ZEB2: variants seen among roughly 807,000 people sequenced by gnomAD.
The protein encoded by ZEB2 is zinc finger E-box-binding homeobox 2.
In ZEB2, 6 loss-of-function variants were observed where a neutral mutation model predicts 99.9. That is an observed-to-expected ratio of 0.06 (90% confidence interval 0.03 to 0.12). The LOEUF (loss-of-function observed/expected upper bound fraction) is 0.12. Among genes scored for constraint, ZEB2 ranks in the 10% least tolerant of loss-of-function variants. The pLI is 1.00. For synonymous variants in ZEB2, 517 were observed against 542.5 expected (o/e 0.95, Z 0.65); for missense variants, 969 against 1,502.8 (o/e 0.64, Z 5.87).
chr2:144,429,469 T>C, intron 3 of ZEB2: 1 of 407,966 alleles, frequency 2.5e-6, no homozygotes, highest in South Asian at 2.4e-5. Flanking sequence ...TTGATCATGT[T>C]ACATAATTTG....
chr2:144,490,310 C>CT (rs1480348052), intron 2 of ZEB2, among the ~76,000 whole-genome samples: 3 of 152,138 alleles, frequency 2.0e-5, no homozygotes, highest in Non-Finnish European at 4.4e-5. Context: ...ATACAAATGC[C>CT]TGCCACATAA....
At chr2:144,474,248 G>C (rs139836727) in intron 2 of ZEB2, among the ~76,000 whole-genome samples, 10 of 152,310 alleles carry the variant, frequency 6.6e-5, no homozygotes, top group Non-Finnish European at 1.5e-4. Context: ...TCCAGGAACT[G>C]TCCTCTTCTC....
Position 144,398,236 on chromosome 2 carries a change from C to T in ZEB2, c.2886+65G>A, listed in dbSNP as rs139309917. On this transcript the variant is annotated intron_variant, in intron 8 of 9. Coordinates refer to ENST00000627532, the MANE Select transcript of ZEB2 (RefSeq NM_014795.4). Reference sequence around the variant, plus strand: ...TTTTCACTAAGATTTTTTTTTCCTACATGCACATAATCAAAATAATTGCCA... The same window carrying T: ...TTTTCACTAAGATTTTTTTTTCCTATATGCACATAATCAAAATAATTGCCA... 5.1e-4 allele frequency: 817 copies of T among 1,593,662 alleles called. 6 individuals carry two copies. In the African/African-American group the frequency reaches 9.6e-3, roughly 19 times the overall value.
chr2:144,513,301 T>C (rs1039078201), intron 2 of ZEB2: 54 of 1,293,196 alleles, frequency 4.2e-5, no homozygotes, highest in Non-Finnish European at 5.4e-5. Context: ...GTTTCTCCTC[T>C]AGGATCCAAA....
At chr2:144,401,095 T>C (rs894869922) in intron 7 of ZEB2, 104 bp downstream of exon 7, 28 of 1,053,490 alleles carry the variant, frequency 2.7e-5, no homozygotes, top group Non-Finnish European at 3.5e-5. Context: ...AAATAGATAG[T>C]TCCAAAAAGC....
chr2:144,417,941 G>A (rs895652925), intron 4 of ZEB2, among the ~76,000 whole-genome samples: 8 of 152,052 alleles, frequency 5.3e-5, no homozygotes, highest in African/African-American at 9.7e-5. Flanking sequence ...TGCACCTCAC[G>A]AATATTAATA....
intron 2 of ZEB2, among the ~76,000 whole-genome samples, chr2:144,453,333 A>G (rs1261443681): frequency 6.6e-6 from 1 of 152,218 alleles, no homozygotes; most frequent in African/African-American, 2.4e-5. Flanking sequence ...TGATCTGGAC[A>G]CTTGTGGCTA....
rs149035844 is a variant in ZEB2 at position 144,399,549 on chromosome 2, G to A, written c.1638C>T (p.Asp546=). The A allele has an allele frequency of 1.9e-4, 304 of 1,614,012 alleles. No homozygotes were observed. Among genetic ancestry groups the A allele is most frequent in the Non-Finnish European group, 2.4e-4 (289 of 1,180,026 alleles). Reference sequence around the variant, plus strand: ...TTATATTACTGATCTGTCTCCTTGAGTCAGTAGTCAAGCTCTGGAGGCAAG... The same window carrying A: ...TTATATTACTGATCTGTCTCCTTGAATCAGTAGTCAAGCTCTGGAGGCAAG... ...AKACLQSLTT[D]SRRQISNIKK... The change falls in exon 8 of 10, where the codon GAC becomes GAT. Residue 546 remains aspartate, a synonymous_variant. Transcript: ENST00000627532. This position sits in a 1 kb window ranked among gnomAD's most constrained non-coding sequence, Gnocchi z 5.6.
At chr2:144,461,050 G>A (rs1217025349) in intron 2 of ZEB2, 1 of 150,948 alleles carries the variant, frequency 6.6e-6, no homozygotes, top group Non-Finnish European at 1.5e-5. Flanking sequence ...GAGTGGACAG[G>A]TTTTCAAAAA....
At chr2:144,446,687 A>C in intron 2 of ZEB2, among the ~76,000 whole-genome samples, 1 of 152,082 alleles carries the variant, frequency 6.6e-6, no homozygotes, top group East Asian at 1.9e-4. Context: ...AAACTTCCAC[A>C]TATGAGTTTG....
At chr2:144,400,580 A>G (rs1239193884) in intron 7 of ZEB2, among the ~76,000 whole-genome samples, 1 of 152,254 alleles carries the variant, frequency 6.6e-6, no homozygotes, top group Non-Finnish European at 1.5e-5. Flanking sequence ...TGTGGTCAAT[A>G]GCACAATAAA....
intron 2 of ZEB2, among the ~76,000 whole-genome samples, chr2:144,456,426 T>C (rs1704122587): frequency 6.6e-6 from 1 of 152,150 alleles, no homozygotes; most frequent in Non-Finnish European, 1.5e-5. Context: ...AATCCCTTTT[T>C]GGATTCTTTC....
At chr2:144,395,509 T>G (rs35015447) in intron 9 of ZEB2, among the ~76,000 whole-genome samples, 1 of 151,528 alleles carries the variant, frequency 6.6e-6, no homozygotes, top group African/African-American at 2.4e-5. Context: ...CTACACTTTT[T>G]CCCCCCCGAT....
chr2:144,509,336 T>C (rs1704997004), intron 2 of ZEB2, among the ~76,000 whole-genome samples: 1 of 152,210 alleles, frequency 6.6e-6, no homozygotes, highest in African/African-American at 2.4e-5. Context: ...GAAGTAAATC[T>C]GCCTAAATCC....
chr2:144,427,689 A>T (rs1220013224), intron 3 of ZEB2: 1 of 152,216 alleles, frequency 6.6e-6, no homozygotes, highest in Non-Finnish European at 1.5e-5. Context: ...ACAATAAAAA[A>T]AAAGAACAAT....
At chr2:144,518,582 A>C (rs1705208710) in intron 1 of ZEB2, 1 of 152,216 alleles carries the variant, frequency 6.6e-6, no homozygotes, top group African/African-American at 2.4e-5. Flanking sequence ...GAAAGTGAGT[A>C]TCAGTTTCCA....
At chr2:144,444,804 T>C (rs1703961654) in intron 2 of ZEB2, 1 of 152,218 alleles carries the variant, frequency 6.6e-6, no homozygotes, top group African/African-American at 2.4e-5. Context: ...CAAGCCCAGA[T>C]TTCATCATAA....
intron 2 of ZEB2, among the ~76,000 whole-genome samples, chr2:144,498,979 G>A (rs564491453): frequency 1.6e-4 from 25 of 152,250 alleles, no homozygotes; most frequent in Admixed American, 4.6e-4. Flanking sequence ...CCTTTCTCCC[G>A]AAAATGTCCG....
chr2:144,425,531 A>G (rs1703680981), intron 3 of ZEB2, among the ~76,000 whole-genome samples: 1 of 152,176 alleles, frequency 6.6e-6, no homozygotes, highest in Admixed American at 6.5e-5. Flanking sequence ...GGTAATCATA[A>G]TCATTTTCTG....
Sources: gnomAD v4.1 joint callset for allele counts (sites outside exome capture counted in the v4.1 genomes callset) on GRCh38, gnomAD v4.1.1 for gene constraint, Gnocchi (gnomAD v3.1) non-coding constraint, MANE v1.5 for transcripts, NCBI Gene and HGNC (gene_info 2026-07-23, HGNC 2026-07-21) for gene names.